CFAP58: variants seen among roughly 807,000 people sequenced by gnomAD.
CFAP58 encodes the protein cilia and flagella associated protein 58, also known as cilia- and flagella-associated protein 58.
A neutral mutation model predicts 119.5 loss-of-function variants in CFAP58; 88 were observed. The observed-to-expected ratio is 0.74, with a 90% CI of 0.62 to 0.88. The LOEUF (loss-of-function observed/expected upper bound fraction) is 0.88. CFAP58 is among the 40% of genes least tolerant of loss of function. The pLI is 0.00. For missense variants in CFAP58, 990 were observed against 1,021.2 expected (o/e 0.97, Z 0.42); for synonymous variants, 365 against 366.3 (o/e 1.00, Z 0.04).
chr10:104,392,521 G>T (rs1589919565), intron 10 of CFAP58, 127 bp downstream of exon 10: 1 of 614,006 alleles, frequency 1.6e-6, no homozygotes, highest in East Asian at 3.3e-5. Context: ...CACCTGAAAA[G>T]ATCAATTTAC....
intron 6 of CFAP58, among the ~76,000 whole-genome samples, chr10:104,369,110 T>C (rs1280470119): frequency 6.6e-6 from 1 of 152,224 alleles, no homozygotes; most frequent in Non-Finnish European, 1.5e-5. Context: ...TATACTCCGA[T>C]GTATATTGTA....
chr10:104,404,719 C>T (rs987060839), intron 14 of CFAP58, among the ~76,000 whole-genome samples: 5 of 152,102 alleles, frequency 3.3e-5, no homozygotes, highest in Non-Finnish European at 5.9e-5. Context: ...ACGCCATTCT[C>T]CTGCCTCAGC....
chr10:104,382,231 C>T (rs2011826097), intron 9 of CFAP58: 1 of 716,666 alleles, frequency 1.4e-6, no homozygotes, highest in African/African-American at 1.7e-5. Context: ...GGCACAGATC[C>T]TACCCACTCA....
chr10:104,407,771 A>G (rs1407809427), intron 15 of CFAP58, among the ~76,000 whole-genome samples: 1 of 152,128 alleles, frequency 6.6e-6, no homozygotes, highest in Admixed American at 6.5e-5. Context: ...ATCTCGGTTC[A>G]CTGCAGCCTC....
chr10:104,397,315 A>G (rs972604356), intron 11 of CFAP58, among the ~76,000 whole-genome samples: 21 of 152,210 alleles, frequency 1.4e-4, no homozygotes, highest in Middle Eastern at 3.2e-3. Flanking sequence ...TCTTTTCTCA[A>G]TAAGTATTTC....
At chr10:104,364,928 C>T (rs1215340655) in intron 4 of CFAP58, 39 bp downstream of exon 4, 1 of 1,591,082 alleles carries the variant, frequency 6.3e-7, no homozygotes, top group East Asian at 2.3e-5. Context: ...TATTTCCTTC[C>T]AGAGGATGTT....
chr10:104,345,366 C>A, the CFAP58 span, among the ~76,000 whole-genome samples: 2 of 151,942 alleles, frequency 1.3e-5, no homozygotes, highest in Admixed American at 6.6e-5. Context: ...ATCCTTACTA[C>A]CTGTACTTCT....
rs1386896564 is a variant in CFAP58 at position 104,358,541 on chromosome 10, G to C, written c.210G>C (p.Glu70Asp). 6.2e-7 allele frequency: 1 copy of C among 1,614,000 alleles called. No homozygotes were observed. Among genetic ancestry groups the C allele is most frequent in the Non-Finnish European group, 8.5e-7 (1 of 1,179,996 alleles). Residue 70 changes from glutamate to aspartate, a missense_variant, in exon 2 of 18, where the codon GAG becomes GAC. By Grantham distance (45) the Glu-to-Asp change is conservative. Coordinates refer to ENST00000369704, the MANE Select transcript of CFAP58 (RefSeq NM_001008723.2). ...LMAKCRELNA[E>D]IVVNSAKVAT... ...CCAAATGCAGAGAGCTAAATGCAGA[G>C]ATTGTAGTGAATTCTGCGAAGGTCG...
In CFAP58 at chr10:104,447,777, T is replaced by C. The variant is rs367706590; in HGVS notation, c.2336T>C (p.Leu779Pro). 6 of 1,614,146 alleles carry C rather than the reference T, an allele frequency of 3.7e-6. No individual in the cohort carries two copies. Among genetic ancestry groups the C allele is most frequent in the Non-Finnish European group, 4.2e-6 (5 of 1,179,990 alleles). The change falls in exon 16 of 18, where the codon CTG becomes CCG. Residue 779 changes from leucine (L) to proline (P), a missense_variant. Coordinates refer to ENST00000369704, the MANE Select transcript of CFAP58 (RefSeq NM_001008723.2). ...PGPEAAEQLK[L>P]YRRTLHDKKQ... ...CCTGAGGCTGCGGAACAGCTGAAGC[T>C]GTACCGACGCACGCTGCATGACAAG...
chr10:104,380,290 A>G, intron 9 of CFAP58, 70 bp downstream of exon 9: 1 of 1,328,928 alleles, frequency 7.5e-7, no homozygotes. Flanking sequence ...GATGGTCACA[A>G]ACTGTTGCAA....
intron 16 of CFAP58, 52 bp downstream of exon 16, chr10:104,447,869 G>C (rs1185847488): frequency 6.5e-7 from 1 of 1,536,350 alleles, no homozygotes; most frequent in African/African-American, 1.4e-5. Context: ...ACACTCTGGG[G>C]AGCACACCTG....
intron 1 of CFAP58, among the ~76,000 whole-genome samples, chr10:104,357,853 ATATACACAT>A (rs2014575180): frequency 2.3e-5 from 1 of 44,146 alleles, no homozygotes; most frequent in Non-Finnish European, 5.5e-5. Flanking sequence ...ATGTACACAT[ATATACACAT>A]ATATACACAT....
At chr10:104,414,854 G>A (rs1345642369) in intron 15 of CFAP58, among the ~76,000 whole-genome samples, 1 of 151,906 alleles carries the variant, frequency 6.6e-6, no homozygotes, top group Non-Finnish European at 1.5e-5. Flanking sequence ...TGTATTTTTT[G>A]GTAGAGACGG....
intron 17 of CFAP58, among the ~76,000 whole-genome samples, chr10:104,452,464 C>T (rs966691868): frequency 1.6e-4 from 25 of 152,232 alleles, no homozygotes; most frequent in African/African-American, 6.0e-4. Flanking sequence ...AATTTTCTTG[C>T]CTTGACCCTG....
At chr10:104,441,056 G>T (rs1424074040) in intron 15 of CFAP58, among the ~76,000 whole-genome samples, 3 of 152,232 alleles carry the variant, frequency 2.0e-5, no homozygotes, top group Non-Finnish European at 4.4e-5. Context: ...AGGCTGGAGT[G>T]CAGTGGAGCA....
Position 104,403,750 on chromosome 10 carries a change from A to C in CFAP58, c.2061A>C (p.Gln687His), listed in dbSNP as rs1167930500. Residue 687 changes from glutamine (Q) to histidine (H), a missense_variant, in exon 14 of 18, where the codon CAA becomes CAC. Gln to His is a conservative substitution (Grantham distance 24, BLOSUM62 0). Transcript: ENST00000369704. ...TCAGACAGGAGTTTTTTCACATGCA[A>C]AGAGAATTGTTGAAGGAGAGGACAC... ...EELRQEFFHM[Q>H]RELLKERTRC... 2.5e-6 allele frequency: 4 copies of C among 1,611,138 alleles called. No homozygotes were observed. Among genetic ancestry groups the C allele is most frequent in the Non-Finnish European group, 3.4e-6 (4 of 1,178,902 alleles).
intron 15 of CFAP58, among the ~76,000 whole-genome samples, chr10:104,429,871 A>T (rs530750489): frequency 0.01 from 1,478 of 146,670 alleles, 10 homozygotes; most frequent in Middle Eastern, 0.025. Context: ...ATATAAACTC[A>T]TTTTTTTTTT....
At chr10:104,427,002 T>A (rs1034833157) in intron 15 of CFAP58, among the ~76,000 whole-genome samples, 3 of 152,222 alleles carry the variant, frequency 2.0e-5, no homozygotes, top group Non-Finnish European at 2.9e-5. Flanking sequence ...ACTTGAGAGG[T>A]TAACAGCAGA....
intron 15 of CFAP58, among the ~76,000 whole-genome samples, chr10:104,444,080 G>A (rs1239332564): frequency 1.3e-5 from 2 of 152,200 alleles, no homozygotes; most frequent in Non-Finnish European, 2.9e-5. Context: ...GAGAAAGCTA[G>A]TATTTTGGTA....
Sources: allele counts gnomAD v4.1 joint callset (sites outside exome capture counted in the v4.1 genomes callset), GRCh38; gene constraint gnomAD v4.1.1; transcripts MANE v1.5; gene names NCBI Gene and HGNC (gene_info 2026-07-23, HGNC 2026-07-21).